Variants in GRM8 observed in about 807,000 individuals in gnomAD.
The protein encoded by GRM8 is metabotropic glutamate receptor 8.
Under a neutral mutation model 87.2 loss-of-function variants are expected in GRM8, and 47 were observed. The observed-to-expected ratio is 0.54, with a 90% CI of 0.43 to 0.69. GRM8 has a LOEUF of 0.69. Ranked by LOEUF, GRM8 falls within the 30% of genes least tolerant of loss-of-function variation. The pLI, the probability that GRM8 is intolerant of heterozygous loss-of-function variation, is 0.00. For missense variants in GRM8, 1,019 were observed against 1,139.2 expected (o/e 0.89, Z 1.52); for synonymous variants, 396 against 404.5 (o/e 0.98, Z 0.25).
chr7:126,655,231 A>T (rs1028824805), intron 7 of GRM8, among the ~76,000 whole-genome samples: 13 of 152,206 alleles, frequency 8.5e-5, no homozygotes, highest in African/African-American at 3.1e-4. Context: ...CATGTTTTCA[A>T]TGTAATATTC....
intron 6 of GRM8, among the ~76,000 whole-genome samples, chr7:126,874,803 C>A (rs542195264): frequency 2.0e-5 from 3 of 152,120 alleles, no homozygotes; most frequent in Admixed American, 2.0e-4. Context: ...CATGGAAGTA[C>A]ATTTGACCAT....
intron 2 of GRM8, among the ~76,000 whole-genome samples, chr7:127,152,846 C>A (rs1466387627): frequency 6.6e-6 from 1 of 152,142 alleles, no homozygotes; most frequent in Non-Finnish European, 1.5e-5. Context: ...CATAGGACTA[C>A]AGTTCAACTG....
intron 7 of GRM8, among the ~76,000 whole-genome samples, chr7:126,692,483 A>C (rs558558230): frequency 6.6e-6 from 1 of 152,320 alleles, no homozygotes; most frequent in East Asian, 1.9e-4. Context: ...ATGTGTGTTA[A>C]AAATGTTGAG....
chr7:126,791,489 T>TA (rs1228911095), intron 6 of GRM8, among the ~76,000 whole-genome samples: 1 of 152,168 alleles, frequency 6.6e-6, no homozygotes, highest in African/African-American at 2.4e-5. Flanking sequence ...CAACTTGAGG[T>TA]AGTGACTCAC....
In GRM8 at chr7:127,179,490, A is replaced by G. The variant is rs146887465; in HGVS notation, c.510+63205T>C. On this transcript the variant is annotated intron_variant, in intron 2 of 10. Coordinates refer to ENST00000339582, the MANE Select transcript of GRM8 (RefSeq NM_000845.3). ...CAATGGATTTAAACTATACCTTGGA[A>G]CAAATAGACCTAACAGATATATAGA... Among the ~76,000 whole-genome samples, 1,220 of 152,274 alleles carry G rather than the reference A, an allele frequency of 8.0e-3. 4 individuals carry two copies. The highest frequency in any genetic ancestry group is 0.013 in the Non-Finnish European group (903 of 67,986).
chr7:127,171,724 A>G (rs891406978), intron 2 of GRM8, among the ~76,000 whole-genome samples: 4 of 152,234 alleles, frequency 2.6e-5, no homozygotes, highest in Non-Finnish European at 5.9e-5. Flanking sequence ...GGAAACAAAA[A>G]ATTTTGTGTA....
At chr7:126,913,099 TAAAAC>T (rs1803490024) in intron 3 of GRM8, among the ~76,000 whole-genome samples, 1 of 152,114 alleles carries the variant, frequency 6.6e-6, no homozygotes, top group Non-Finnish European at 1.5e-5. Context: ...AGGAGAAAAA[TAAAAC>T]AAGAAACAAT....
chr7:126,896,316 A>G (rs1388717805), intron 6 of GRM8, among the ~76,000 whole-genome samples: 3 of 152,030 alleles, frequency 2.0e-5, no homozygotes, highest in Non-Finnish European at 4.4e-5. Context: ...ACAAGAGCAT[A>G]TGGATGGCTA....
intron 7 of GRM8, among the ~76,000 whole-genome samples, chr7:126,766,935 A>G (rs1010865463): frequency 2.6e-5 from 4 of 152,184 alleles, no homozygotes; most frequent in Admixed American, 6.6e-5. Flanking sequence ...TCCAGCTGCT[A>G]TTAAATCCCT....
At chr7:127,090,010 T>A (rs1480478055) in intron 3 of GRM8, among the ~76,000 whole-genome samples, 1 of 152,212 alleles carries the variant, frequency 6.6e-6, no homozygotes, top group East Asian at 1.9e-4. Context: ...TTCAATGGCA[T>A]AGATCCCCAC....
At chr7:126,558,086 T>C (rs554191319) in intron 8 of GRM8, among the ~76,000 whole-genome samples, 6 of 152,312 alleles carry the variant, frequency 3.9e-5, no homozygotes, top group Admixed American at 1.3e-4. Context: ...TATAATTCAC[T>C]GTCATAAAGC....
chr7:126,970,949 A>G (rs1184883681), intron 3 of GRM8, among the ~76,000 whole-genome samples: 4 of 152,112 alleles, frequency 2.6e-5, no homozygotes, highest in African/African-American at 9.7e-5. Context: ...AAGAAAATAT[A>G]TAACATTTTT....
chr7:126,650,501 G>A (rs1159814247), intron 7 of GRM8, among the ~76,000 whole-genome samples: 3 of 152,152 alleles, frequency 2.0e-5, no homozygotes, highest in African/African-American at 4.8e-5. Context: ...ACTTCAAGCA[G>A]TGCATCTGGA....
chr7:126,528,389 T>A (rs1310658724), intron 9 of GRM8, among the ~76,000 whole-genome samples: 1 of 152,148 alleles, frequency 6.6e-6, no homozygotes, highest in Non-Finnish European at 1.5e-5. Context: ...TTAAAGAACC[T>A]ATTACAGACT....
chr7:126,604,144 T>C (rs2299475), intron 8 of GRM8, among the ~76,000 whole-genome samples: 46,888 of 151,866 alleles, frequency 0.31, 8,117 homozygotes, highest in East Asian at 0.44. Flanking sequence ...TGATCATCTA[T>C]AGGAAAATAC....
chr7:127,110,477 C>T (rs907010744), intron 2 of GRM8, among the ~76,000 whole-genome samples: 73 of 152,012 alleles, frequency 4.8e-4, no homozygotes, highest in African/African-American at 1.6e-3. Context: ...TTTTGCTTTC[C>T]TTCATTTCTT....
intron 7 of GRM8, among the ~76,000 whole-genome samples, chr7:126,694,056 G>A (rs1809107507): frequency 6.6e-6 from 1 of 151,634 alleles, no homozygotes; most frequent in Non-Finnish European, 1.5e-5. Flanking sequence ...TATATTTGAG[G>A]CAAATATTTC....
At chr7:126,751,012 C>A (rs943913246) in intron 7 of GRM8, among the ~76,000 whole-genome samples, 8 of 151,006 alleles carry the variant, frequency 5.3e-5, no homozygotes, top group African/African-American at 1.9e-4. Context: ...TCCTCATCTG[C>A]AGAAATAAGG....
intron 2 of GRM8, among the ~76,000 whole-genome samples, chr7:127,130,698 G>A (rs1237362874): frequency 1.3e-5 from 2 of 152,162 alleles, no homozygotes; most frequent in African/African-American, 4.8e-5. Context: ...TTAGCTCTGT[G>A]TGCCCACCCA....
Sources: allele counts gnomAD v4.1 joint callset (sites outside exome capture counted in the v4.1 genomes callset), GRCh38; gene constraint gnomAD v4.1.1; transcripts MANE v1.5; gene names NCBI Gene and HGNC (gene_info 2026-07-23, HGNC 2026-07-21).